The following RAB6B variants were observed in gnomAD, a reference collection of about 807,000 sequenced individuals.
RAB6B encodes RAB6B, member RAS oncogene family.
RAB6B carries 7 observed loss-of-function variants against 31.2 expected under a neutral mutation model. That is an observed-to-expected ratio of 0.22 (90% CI 0.13 to 0.42). The LOEUF (loss-of-function observed/expected upper bound fraction) is 0.42, where lower values mean the gene tolerates loss of function less well. Among genes scored for constraint, RAB6B ranks in the 10% least tolerant of loss-of-function variants. The pLI is 1.00. For missense variants in RAB6B, 149 were observed against 280.6 expected (o/e 0.53, Z 3.35); for synonymous variants, 105 against 104.9 (o/e 1.00, Z -0.01).
At chr3:133,889,198 C>A (rs1936595047) in intron 1 of RAB6B, among the ~76,000 whole-genome samples, 1 of 151,664 alleles carries the variant, frequency 6.6e-6, no homozygotes, top group Non-Finnish European at 1.5e-5. Flanking sequence ...ATGCATTCGG[C>A]AACAATGGAC....
chr3:133,853,836 C>T (rs996287020), intron 2 of RAB6B, among the ~76,000 whole-genome samples: 4 of 152,146 alleles, frequency 2.6e-5, no homozygotes, highest in Non-Finnish European at 5.9e-5. Context: ...CTGTGATATG[C>T]TGCGTAAACA....
At chr3:133,888,468 G>T (rs376673660) in intron 1 of RAB6B, among the ~76,000 whole-genome samples, 63 of 152,284 alleles carry the variant, frequency 4.1e-4, no homozygotes, top group African/African-American at 1.5e-3. Flanking sequence ...TGCCCTCAGG[G>T]GTGAGGTAAC....
chr3:133,827,538 T>C lies in RAB6B; in HGVS notation c.*1250A>G, dbSNP rs1297305415. ...GATGGCTCTCTGGGGGCAAGCAGCCTTCTGGAGACCCCACCTGAACCACAT... is the reference window on the plus strand; with the variant it reads ...GATGGCTCTCTGGGGGCAAGCAGCCCTCTGGAGACCCCACCTGAACCACAT... On this transcript the variant is annotated 3_prime_UTR_variant, in exon 8 of 8. Coordinates refer to ENST00000285208, the MANE Select transcript of RAB6B (RefSeq NM_016577.4). 2.2e-5 allele frequency: 5 copies of C among 230,036 alleles called. No individual in the cohort carries two copies. In the South Asian group the frequency reaches 4.3e-4, roughly 20 times the overall value. 14.2% of individuals were successfully genotyped at this position (230,036 alleles called of 1,614,324 possible).
chr3:133,837,724 C>A (rs1452576310), intron 6 of RAB6B, among the ~76,000 whole-genome samples: 1 of 152,224 alleles, frequency 6.6e-6, no homozygotes, highest in Non-Finnish European at 1.5e-5. Flanking sequence ...CTCTTTCCCC[C>A]AGGCCTGAGT....
rs751580131 is a variant in RAB6B, at chr3:133,827,821, AG to A, written c.*966del. ...CCAGCTTCCCTGACATCCAGGAGGA[AG>A]GCTTCAGGATGGCACACTGCCCAAC... On this transcript the variant is annotated 3_prime_UTR_variant, in exon 8 of 8. Coordinates refer to ENST00000285208, the MANE Select transcript of RAB6B (RefSeq NM_016577.4). 2 of 419,690 alleles carry A rather than the reference AG, an allele frequency of 4.8e-6. No homozygotes were observed. Among genetic ancestry groups the A allele is most frequent in the South Asian group, 3.3e-5 (2 of 60,858 alleles). 26.0% of individuals were successfully genotyped at this position (419,690 alleles called of 1,614,324 possible). A position where few individuals can be genotyped will look rare whatever the true frequency, so the allele number is the denominator to read the frequency against.
At chr3:133,864,132 G>A (rs1936201659) in intron 2 of RAB6B, among the ~76,000 whole-genome samples, 1 of 149,230 alleles carries the variant, frequency 6.7e-6, no homozygotes, top group South Asian at 2.2e-4. Context: ...GTGTGTGTGT[G>A]TGCGCGCGTG....
chr3:133,839,054 T>C (rs1417252134), intron 5 of RAB6B, among the ~76,000 whole-genome samples: 2 of 152,194 alleles, frequency 1.3e-5, no homozygotes, highest in Non-Finnish European at 2.9e-5. Flanking sequence ...GGCCATAGGT[T>C]TGTGGTCTGA....
chr3:133,843,750 T>C (rs541150916), intron 2 of RAB6B, among the ~76,000 whole-genome samples: 7 of 152,302 alleles, frequency 4.6e-5, no homozygotes, highest in African/African-American at 1.7e-4. Flanking sequence ...GTGAACGTGA[T>C]GTAGGCATCT....
At chr3:133,892,828 G>C (rs1185051541) in intron 1 of RAB6B, among the ~76,000 whole-genome samples, 1 of 152,246 alleles carries the variant, frequency 6.6e-6, no homozygotes, top group Non-Finnish European at 1.5e-5. Flanking sequence ...ACAGGCTGCA[G>C]AGAATGCTGG....
In RAB6B at chr3:133,828,581, A is replaced by G. The variant is rs1935608462; in HGVS notation, c.*207T>C. ...ACAATATATTACAACCAAACCAAAA[A>G]ATAGTTGTTTAAGTAACAGCCGTTA... On this transcript the variant is annotated 3_prime_UTR_variant, in exon 8 of 8. Coordinates refer to ENST00000285208, the MANE Select transcript of RAB6B (RefSeq NM_016577.4). 3 of 642,360 alleles carry G rather than the reference A, an allele frequency of 4.7e-6. No individual in the cohort carries two copies. Among genetic ancestry groups the G allele is most frequent in the Non-Finnish European group, 8.3e-6 (3 of 362,676 alleles). The allele number at this position is 642,360 out of a possible 1,614,324, so 39.8% of individuals were successfully genotyped here. A position where few individuals can be genotyped will look rare whatever the true frequency, so the allele number is the denominator to read the frequency against.
At chr3:133,836,465 C>T (rs1314672702) in intron 6 of RAB6B, among the ~76,000 whole-genome samples, 1 of 146,784 alleles carries the variant, frequency 6.8e-6, no homozygotes, top group East Asian at 2.0e-4. Flanking sequence ...CATTTAGATC[C>T]AGGAGTCTGC....
chr3:133,863,710 G>GT (rs1936195071), intron 2 of RAB6B, among the ~76,000 whole-genome samples: 1 of 152,074 alleles, frequency 6.6e-6, no homozygotes, highest in Non-Finnish European at 1.5e-5. Flanking sequence ...TTTTTTTCAA[G>GT]TAACACCTAC....
chr3:133,864,119 C>T (rs1232821527), intron 2 of RAB6B, among the ~76,000 whole-genome samples: 1 of 134,536 alleles, frequency 7.4e-6, no homozygotes. Flanking sequence ...CCTCAGCAAC[C>T]GTGTGTGTGT....
In RAB6B at chr3:133,827,352, A is replaced by T. The variant is rs1935580976; in HGVS notation, c.*1436T>A. The T allele has an allele frequency of 6.6e-6, 1 of 152,440 alleles. No homozygotes were observed. 9.4% of individuals were successfully genotyped at this position (152,440 alleles called of 1,614,324 possible). A position where few individuals can be genotyped will look rare whatever the true frequency, so the allele number is the denominator to read the frequency against. ...TACATTTTGGCCAGACTCACTGCCC[A>T]TTGCACCTGGCTCTGTGCAGGCTCA... is the stretch of plus-strand genomic sequence containing the variant. On this transcript the variant is annotated 3_prime_UTR_variant, in exon 8 of 8. Coordinates refer to ENST00000285208, the MANE Select transcript of RAB6B (RefSeq NM_016577.4).
chr3:133,867,159 G>T (rs552424133), intron 1 of RAB6B, among the ~76,000 whole-genome samples: 43 of 152,332 alleles, frequency 2.8e-4, no homozygotes, highest in African/African-American at 9.9e-4. Context: ...CAGGTCTAGG[G>T]GGCAGGAAAA....
At chr3:133,889,057 T>C (rs75659374) in intron 1 of RAB6B, among the ~76,000 whole-genome samples, 2,624 of 152,264 alleles carry the variant, frequency 0.017, 33 homozygotes, top group Non-Finnish European at 0.027. Context: ...GCTTTCCCGG[T>C]AGTCCACCCT....
rs1009243464 is a variant in RAB6B, at chr3:133,825,352, T to G, written c.*3436A>C. ...CGTTGCACCCCAGATGTGTCTGCAC[T>G]CTTAACTACCACCATTTCAATCCTT... On this transcript the variant is annotated 3_prime_UTR_variant, in exon 8 of 8. Coordinates refer to ENST00000285208, the MANE Select transcript of RAB6B (RefSeq NM_016577.4). 1.3e-5 allele frequency: 2 copies of G among 152,364 alleles called. 1 individual carries two copies. The highest frequency in any genetic ancestry group is 4.8e-5 in the African/African-American group (2 of 41,578). The allele number at this position is 152,364 out of a possible 1,614,324, so 9.4% of individuals were successfully genotyped here.
intron 1 of RAB6B, among the ~76,000 whole-genome samples, chr3:133,873,131 C>T (rs979347830): frequency 1.3e-5 from 2 of 152,188 alleles, no homozygotes; most frequent in African/African-American, 2.4e-5. Flanking sequence ...AGGAACAGGG[C>T]GAGTGCATCC....
chr3:133,842,899 A>G (rs369982340), intron 2 of RAB6B, among the ~76,000 whole-genome samples: 3 of 152,378 alleles, frequency 2.0e-5, no homozygotes, highest in Admixed American at 6.5e-5. Flanking sequence ...AGTTTAATAA[A>G]TAAGTTTAAT....
Sources: allele counts gnomAD v4.1 joint callset (sites outside exome capture counted in the v4.1 genomes callset), GRCh38; gene constraint gnomAD v4.1.1; transcripts MANE v1.5; gene names NCBI Gene and HGNC (gene_info 2026-07-23, HGNC 2026-07-21).